ARAP2: variants seen among roughly 807,000 people sequenced by gnomAD.
The protein encoded by ARAP2 is ArfGAP with RhoGAP domain, ankyrin repeat and PH domain 2.
ARAP2 carries 148 observed loss-of-function variants against 194.5 expected under a neutral mutation model. The ratio of observed to expected loss-of-function variants is 0.76; its 90% CI spans 0.67 to 0.87. The LOEUF (loss-of-function observed/expected upper bound fraction) is 0.87, where lower values mean the gene tolerates loss of function less well. Ranked by LOEUF, ARAP2 falls within the 40% of genes least tolerant of loss-of-function variation. The pLI, the probability that ARAP2 is intolerant of heterozygous loss-of-function variation, is 0.00. For missense variants in ARAP2, 2,128 were observed against 1,989.7 expected, an observed-to-expected ratio of 1.07 and a Z score of -1.32; for synonymous variants, 695 against 683.5, an observed-to-expected ratio of 1.02 and a Z score of -0.26.
At chr4:36,239,055 C>T (rs956298025) in intron 1 of ARAP2, among the ~76,000 whole-genome samples, 1 of 152,128 alleles carries the variant, frequency 6.6e-6, no homozygotes, top group African/African-American at 2.4e-5. Flanking sequence ...GTGGGTGGAT[C>T]ACCTGAGGTC....
intron 1 of ARAP2, among the ~76,000 whole-genome samples, chr4:36,231,148 C>T (rs1751371262): frequency 6.6e-6 from 1 of 151,962 alleles, no homozygotes; most frequent in Non-Finnish European, 1.5e-5. Flanking sequence ...ACCATCCTGG[C>T]CAACATGGTG....
chr4:36,236,170 C>A (rs1177658387), intron 1 of ARAP2, among the ~76,000 whole-genome samples: 3 of 135,898 alleles, frequency 2.2e-5, no homozygotes, highest in Non-Finnish European at 3.1e-5. Flanking sequence ...CAGAGCCAGA[C>A]CCTGTCTCAA....
In ARAP2 at chr4:36,097,863, G is replaced by A. The variant is rs58396085; in HGVS notation, c.4286-5843C>T. 5.7e-3 allele frequency among the ~76,000 whole-genome samples: 861 copies of A among 152,060 alleles called. 9 individuals are homozygous for A. Among genetic ancestry groups the A allele is most frequent in the African/African-American group, 0.02 (813 of 41,488 alleles). On this transcript the variant is annotated intron_variant, in intron 27 of 32. Transcript: ENST00000303965. ...AAGGATAGGTTGGAGTTTATTGAAA[G>A]GTCTTTAAAATTAAAACTGCGGGTA...
chr4:36,014,308 A>G (rs1424277812), intron 8 of ARAP2, among the ~76,000 whole-genome samples: 3 of 120,890 alleles, frequency 2.5e-5, no homozygotes, highest in East Asian at 2.4e-4. Flanking sequence ...AAGAGAAGGA[A>G]GGAAAGAAAG....
chr4:36,210,609 T>C lies in ARAP2; in HGVS notation c.1268A>G (p.Gln423Arg). 1 of 1,614,004 alleles carries C rather than the reference T, an allele frequency of 6.2e-7. No homozygotes were observed. The highest frequency in any genetic ancestry group is 1.3e-5 in the African/African-American group (1 of 75,056). ...SEYSTVEECF[Q>R]SLRRKNSKAS... ...CTTTGAATTTTTTCTTCTTAAACTC[T>C]GAAAGCATTCTTCTACTGTTGAGTA... Residue 423 changes from glutamine to arginine, a missense_variant, in exon 6 of 33, where the codon CAG becomes CGG. Physicochemically the swap from Gln to Arg is conservative, Grantham distance 43. Transcript: ENST00000303965.
At chr4:36,186,801 G>T (rs982749636) in intron 8 of ARAP2, among the ~76,000 whole-genome samples, 2 of 152,246 alleles carry the variant, frequency 1.3e-5, no homozygotes, top group Admixed American at 1.3e-4. Flanking sequence ...GCCTGACAAT[G>T]TCACTGTCTC....
At chr4:36,055,372 T>G (rs929252221) in intron 2 of ARAP2, among the ~76,000 whole-genome samples, 1 of 152,166 alleles carries the variant, frequency 6.6e-6, no homozygotes, top group African/African-American at 2.4e-5. Flanking sequence ...AGTCATTGTG[T>G]TTTGGAAAAT....
At chr4:36,161,060 C>T (rs963328559) in intron 12 of ARAP2, among the ~76,000 whole-genome samples, 18 of 151,778 alleles carry the variant, frequency 1.2e-4, no homozygotes, top group African/African-American at 4.4e-4. Context: ...AGAGTACGGC[C>T]AAGGTAAAAA....
chr4:36,116,707 G>A (rs767432731), intron 25 of ARAP2, among the ~76,000 whole-genome samples: 2 of 151,794 alleles, frequency 1.3e-5, no homozygotes, highest in African/African-American at 2.4e-5. Flanking sequence ...TCAATGCTAT[G>A]ATGTAATACT....
In ARAP2 at chr4:36,141,264, G is replaced by C. The variant is rs58473101; in HGVS notation, c.3263+6032C>G. 6.3e-3 allele frequency among the ~76,000 whole-genome samples: 961 copies of C among 151,458 alleles called. 11 individuals carry two copies. The highest frequency in any genetic ancestry group is 0.022 in the African/African-American group (909 of 41,412). The stretch of plus-strand genomic sequence containing the variant: ...TTTTTATTTGCACAAACAGTACTAA[G>C]GTCTAAAAGAAAAGCACAGGATCTA... On this transcript the variant is annotated intron_variant, in intron 19 of 32. Transcript: ENST00000303965.
At chr4:36,204,060 CA>C (rs1745019037) in intron 6 of ARAP2, among the ~76,000 whole-genome samples, 1 of 152,040 alleles carries the variant, frequency 6.6e-6, no homozygotes, top group African/African-American at 2.4e-5. Context: ...GGTTAGGAAA[CA>C]CAACTGAAGA....
At chr4:36,108,877 C>A (rs914150828) in intron 26 of ARAP2, among the ~76,000 whole-genome samples, 5 of 151,954 alleles carry the variant, frequency 3.3e-5, no homozygotes, top group Non-Finnish European at 7.4e-5. Flanking sequence ...GATGTCAATG[C>A]TGCTTTCCTA....
In ARAP2 at chr4:36,030,797, G is replaced by GTTTTTTTTTTTTTTTTTTTTTTT. The variant is rs34777330; in HGVS notation, n.608-11512_608-11511insAAAAAAAAAAAAAAAAAAAAAAA. On this transcript the variant is annotated intron_variant and non_coding_transcript_variant, in intron 5 of 12. Transcript: ENST00000503225. ...TCAACTCTTGTTTGACATTGTCTAC[G>GTTTTTTTTTTTTTTTTTTTTTTT]TTTTTTTTTTTTTTTTTTTTGGTAC... is the stretch of plus-strand genomic sequence containing the variant. Among the ~76,000 whole-genome samples the GTTTTTTTTTTTTTTTTTTTTTTT allele has an allele frequency of 1.2e-4, 2 of 16,082 alleles. 1 individual carries two copies. The highest frequency in any genetic ancestry group is 5.5e-4 in the Non-Finnish European group (2 of 3,666). 10.6% of individuals were successfully genotyped at this position (16,082 alleles called of 152,430 possible). A position where few individuals can be genotyped will look rare whatever the true frequency, so the allele number is the denominator to read the frequency against.
At chr4:36,128,503 CAT>C (rs1553912810) in intron 21 of ARAP2, 28 bp downstream of exon 21, 86 of 1,511,934 alleles carry the variant, frequency 5.7e-5, no homozygotes, top group Middle Eastern at 1.7e-4. Context: ...CACACACACA[CAT>C]ATCTACAAAT....
At chr4:36,051,920 G>A (rs1219206531) in intron 3 of ARAP2, 2 of 152,094 alleles carry the variant, frequency 1.3e-5, no homozygotes, top group Non-Finnish European at 2.9e-5. Context: ...CAATCTATAT[G>A]TTAAATATTA....
At chr4:36,024,773 C>T (rs866397957) in intron 5 of ARAP2, among the ~76,000 whole-genome samples, 5 of 152,138 alleles carry the variant, frequency 3.3e-5, no homozygotes, top group Middle Eastern at 3.4e-3. Flanking sequence ...AATATGTAGG[C>T]TAATTTATCT....
Position 36,080,246 on chromosome 4 carries a change from C to T in ARAP2, c.4578G>A (p.Thr1526=), listed in dbSNP as rs778349281. Residue 1526 remains threonine (T), a synonymous_variant, in exon 31 of 33, where the codon ACG becomes ACA. Transcript: ENST00000303965. ...CAATAAAGATACTGGTCATCCACTCCGTCTGAGTTCGTGAACTATCACAAC... is the reference window on the plus strand; with the variant it reads ...CAATAAAGATACTGGTCATCCACTCTGTCTGAGTTCGTGAACTATCACAAC... ...HLCCDSSRTQ[T]EWMTSIFIAQ... 60 of 1,613,058 alleles carry T rather than the reference C, an allele frequency of 3.7e-5. No homozygotes were observed. Among genetic ancestry groups the T allele is most frequent in the Admixed American group, 2.0e-4 (12 of 59,946 alleles).
chr4:36,105,199 A>G (rs995008584), intron 27 of ARAP2, among the ~76,000 whole-genome samples: 1 of 151,896 alleles, frequency 6.6e-6, no homozygotes, highest in Non-Finnish European at 1.5e-5. Context: ...GAGCACCTAT[A>G]ATACCAGCTA....
At chr4:36,015,249 A>G (rs1465952511) in intron 8 of ARAP2, 1 of 152,266 alleles carries the variant, frequency 6.6e-6, no homozygotes, top group Admixed American at 6.5e-5. Flanking sequence ...AATGATGAAT[A>G]ACCTGTTCAT....
Sources: gnomAD v4.1 joint callset for allele counts (sites outside exome capture counted in the v4.1 genomes callset) on GRCh38, gnomAD v4.1.1 for gene constraint, MANE v1.5 for transcripts, NCBI Gene and HGNC (gene_info 2026-07-23, HGNC 2026-07-21) for gene names.